The following CRMP1 variants were observed in gnomAD, a reference collection of about 807,000 sequenced individuals.
CRMP1 encodes the protein collapsin response mediator protein 1.
Under a neutral mutation model 68.3 loss-of-function variants are expected in CRMP1, and 19 were observed. The ratio of observed to expected loss-of-function variants is 0.28; its 90% confidence interval spans 0.19 to 0.41. CRMP1 has a LOEUF of 0.41. CRMP1 is among the 10% of genes least tolerant of loss of function. The pLI, the probability that CRMP1 is intolerant of heterozygous loss-of-function variation, is 1.00. For synonymous variants in CRMP1, 439 were observed against 399.6 expected (o/e 1.10, Z -1.18); for missense variants, 791 against 967.4 (o/e 0.82, Z 2.42).
At chr4:5,871,923 G>A (rs1443411219) in intron 1 of CRMP1, among the ~76,000 whole-genome samples, 3 of 152,218 alleles carry the variant, frequency 2.0e-5, no homozygotes, top group African/African-American at 7.2e-5. Context: ...AATGGTCCGT[G>A]TGGAATGTTA....
At chr4:5,875,232 GGT>G (rs2152472252) in intron 1 of CRMP1, among the ~76,000 whole-genome samples, 1 of 152,280 alleles carries the variant, frequency 6.6e-6, no homozygotes, top group South Asian at 2.1e-4. Flanking sequence ...TCAGAGGGGA[GGT>G]TCTGGATGAC....
Position 5,821,696 on chromosome 4 carries a change from G to T in CRMP1, c.*64C>A. Reference sequence around the variant, plus strand: ...TAAAACTGTGGGTTTCAAAAACACTGACAGGAAAAGGGATGGACATGATTC... The same window carrying T: ...TAAAACTGTGGGTTTCAAAAACACTTACAGGAAAAGGGATGGACATGATTC... On this transcript the variant is annotated 3_prime_UTR_variant, in exon 14 of 14. Coordinates refer to ENST00000324989, the MANE Select transcript of CRMP1 (RefSeq NM_001014809.3). This position sits in a 1 kb window ranked among gnomAD's most constrained non-coding sequence, Gnocchi z 4.4. The T allele has an allele frequency of 1.4e-6, 2 of 1,467,812 alleles. No homozygotes were observed. The highest frequency in any genetic ancestry group is 1.2e-5 in the South Asian group (1 of 80,656). The allele number at this position is 1,467,812 out of a possible 1,614,324, so 90.9% of individuals were successfully genotyped here.
intron 3 of CRMP1, among the ~76,000 whole-genome samples, chr4:5,856,558 T>C (rs1167444608): frequency 6.6e-6 from 1 of 151,566 alleles, no homozygotes; most frequent in Non-Finnish European, 1.5e-5. Context: ...ATTACCATTA[T>C]CACCACTACC....
At chr4:5,844,905 C>G (rs1712072076) in intron 6 of CRMP1, among the ~76,000 whole-genome samples, 1 of 152,188 alleles carries the variant, frequency 6.6e-6, no homozygotes, top group Admixed American at 6.5e-5. Context: ...AAGAGTGGAG[C>G]AAGAACAAGC....
rs1414078178 is a variant in CRMP1, at chr4:5,883,353, G to A, written c.381+9236C>T. On this transcript the variant is annotated intron_variant, in intron 1 of 13. Transcript: ENST00000324989. This position sits in a 1 kb window ranked among gnomAD's most constrained non-coding sequence, Gnocchi z 4.5. ...CTCATTCTGTCGCCCAGGCTGAAGT[G>A]CAGTGGCATGATCTCAGCTCACTGC... Among the ~76,000 whole-genome samples, 3 of 150,218 alleles carry A rather than the reference G, an allele frequency of 2.0e-5. No individual in the cohort carries two copies. The highest frequency in any genetic ancestry group is 4.4e-5 in the Non-Finnish European group (3 of 67,718).
intron 6 of CRMP1, among the ~76,000 whole-genome samples, chr4:5,846,155 G>T (rs1712180908): frequency 6.6e-6 from 1 of 152,116 alleles, no homozygotes. Flanking sequence ...AATTAGCTAG[G>T]CGTGGTGGCG....
intron 2 of CRMP1, among the ~76,000 whole-genome samples, chr4:5,863,932 C>T (rs1713786784): frequency 6.6e-6 from 1 of 152,082 alleles, no homozygotes; most frequent in Non-Finnish European, 1.5e-5. Flanking sequence ...GTCACCGTCA[C>T]TCACTCAGCT....
rs113487996 is a variant in CRMP1 at position 5,839,913 on chromosome 4, C to T, written c.1154-235G>A. ...GCTCCATGGGGCGTACGGCAGCTGACTCACCCAGCAACCTGTGGATATGGC... is the reference window on the plus strand; with the variant it reads ...GCTCCATGGGGCGTACGGCAGCTGATTCACCCAGCAACCTGTGGATATGGC... On this transcript the variant is annotated intron_variant, in intron 8 of 13. Transcript: ENST00000324989. 3.0e-3 allele frequency among the ~76,000 whole-genome samples: 459 copies of T among 152,344 alleles called. 3 individuals are homozygous for T. Among genetic ancestry groups the T allele is most frequent in the African/African-American group, 9.9e-3 (413 of 41,596 alleles).
chr4:5,828,258 C>G (rs1719997698), intron 12 of CRMP1: 1 of 985,206 alleles, frequency 1.0e-6, no homozygotes, highest in South Asian at 4.7e-5. Context: ...CACGGGTGCA[C>G]ACCCCTCTAC....
intron 12 of CRMP1, chr4:5,826,536 G>A (rs73206289): frequency 0.047 from 7,193 of 152,204 alleles, 175 homozygotes; most frequent in African/African-American, 0.062. Context: ...GGAAAGGGTT[G>A]TGGGGGCAGA....
Position 5,850,356 on chromosome 4 carries a change from C to T in CRMP1, c.883-884G>A, listed in dbSNP as rs1435525877. ...AAACAGGTGAAAATCACAATTATGCCAGCACATCACATGCTATGTTTTCTA... is the reference window on the plus strand; with the variant it reads ...AAACAGGTGAAAATCACAATTATGCTAGCACATCACATGCTATGTTTTCTA... On this transcript the variant is annotated intron_variant, in intron 5 of 13. Coordinates refer to ENST00000324989, the MANE Select transcript of CRMP1 (RefSeq NM_001014809.3). The surrounding 1 kb of genome is among the most constrained non-coding windows in gnomAD (Gnocchi z 4.4). 6.6e-6 allele frequency among the ~76,000 whole-genome samples: 1 copy of T among 152,210 alleles called. No individual in the cohort carries two copies. The highest frequency in any genetic ancestry group is 2.4e-5 in the African/African-American group (1 of 41,454).
intron 13 of CRMP1, among the ~76,000 whole-genome samples, chr4:5,822,406 T>C (rs73206226): frequency 0.014 from 2,099 of 152,078 alleles, 26 homozygotes; most frequent in South Asian, 0.04. Context: ...TGTACACATT[T>C]GTATATGCAT....
chr4:5,893,059 G>A lies in CRMP1; in HGVS notation c.-90C>T. The A allele has an allele frequency of 3.3e-6, 3 of 900,282 alleles. No individual in the cohort carries two copies. The highest frequency in any genetic ancestry group is 4.0e-6 in the Non-Finnish European group (3 of 749,974). 55.8% of individuals were successfully genotyped at this position (900,282 alleles called of 1,614,324 possible). On this transcript the variant is annotated 5_prime_UTR_variant, in exon 1 of 14. Coordinates refer to ENST00000324989, the MANE Select transcript of CRMP1 (RefSeq NM_001014809.3). ...TGCGCCGCGCTCCGCGCCTCGGTGC[G>A]GGCCTGCGGCGGCCCGGGCGCGACT...
At position 5,839,852 on chromosome 4, in the gene CRMP1, G is replaced by A. The variant is rs960596603; in HGVS notation, c.1154-174C>T. Among the ~76,000 whole-genome samples the A allele has an allele frequency of 9.2e-5, 14 of 152,228 alleles. 1 individual carries two copies. Among genetic ancestry groups the A allele is most frequent in the Non-Finnish European group, 1.8e-4 (12 of 68,046 alleles). On this transcript the variant is annotated intron_variant, in intron 8 of 13. Transcript: ENST00000324989. The stretch of plus-strand genomic sequence containing the variant: ...CACCGCAGGGACCTTGGGTGTCCGG[G>A]CCCAGCTCCACCACATTGTCGGCGC...
rs1351994423 is a variant in CRMP1, at chr4:5,843,891, G to T, written c.964-730C>A. Among the ~76,000 whole-genome samples, 5 of 151,964 alleles carry T rather than the reference G, an allele frequency of 3.3e-5. No individual in the cohort carries two copies. The highest frequency in any genetic ancestry group is 1.2e-4 in the African/African-American group (5 of 41,338). On this transcript the variant is annotated intron_variant, in intron 6 of 13. Coordinates refer to ENST00000324989, the MANE Select transcript of CRMP1 (RefSeq NM_001014809.3). This position sits in a 1 kb window ranked among gnomAD's most constrained non-coding sequence, Gnocchi z 4.1. ...TCATATAACCTTGAAATGGTTCCCT[G>T]GGCTGATGGCCTAGATTCAAATCCA...
rs59152465 is a variant in CRMP1 at position 5,891,212 on chromosome 4, A to ACACACACACC, written c.381+1376_381+1377insGGTGTGTGTG. On this transcript the variant is annotated intron_variant, in intron 1 of 13. Coordinates refer to ENST00000324989, the MANE Select transcript of CRMP1 (RefSeq NM_001014809.3). The surrounding 1 kb of genome is among the most constrained non-coding windows in gnomAD (Gnocchi z 5.2). ...CACACACACACACACACACACACAC[A>ACACACACACC]CCCTTGCTGTTGGACCTCTCCCTCG... 7.4e-3 allele frequency among the ~76,000 whole-genome samples: 1,087 copies of ACACACACACC among 147,190 alleles called. 6 individuals are homozygous for ACACACACACC. Among genetic ancestry groups the ACACACACACC allele is most frequent in the African/African-American group, 0.021 (830 of 39,052 alleles).
chr4:5,822,272 G>C (rs529627068), intron 13 of CRMP1, among the ~76,000 whole-genome samples: 14 of 152,228 alleles, frequency 9.2e-5, no homozygotes, highest in East Asian at 1.9e-4. Context: ...TTCAGGCCAC[G>C]TGTCTTGCGG....
At position 5,890,525 on chromosome 4, in the gene CRMP1, C is replaced by T. The variant is rs1463071659; in HGVS notation, c.381+2064G>A. 2.0e-5 allele frequency among the ~76,000 whole-genome samples: 3 copies of T among 152,240 alleles called. No individual in the cohort carries two copies. Among genetic ancestry groups the T allele is most frequent in the Admixed American group, 2.0e-4 (3 of 15,292 alleles). ...AACCCAAGCCTCAAGGCCGCTCTGC[C>T]GGCAGAAAGTAAAACCCTCCCTCCG... On this transcript the variant is annotated intron_variant, in intron 1 of 13. Coordinates refer to ENST00000324989, the MANE Select transcript of CRMP1 (RefSeq NM_001014809.3). The surrounding 1 kb of genome is among the most constrained non-coding windows in gnomAD (Gnocchi z 5.5).
At chr4:5,840,307 C>T (rs1275195992) in intron 8 of CRMP1, among the ~76,000 whole-genome samples, 3 of 152,218 alleles carry the variant, frequency 2.0e-5, no homozygotes, top group Non-Finnish European at 2.9e-5. Flanking sequence ...GAAGTTCCTG[C>T]TTGTCTTTCA....
Sources: allele counts gnomAD v4.1 joint callset (sites outside exome capture counted in the v4.1 genomes callset), GRCh38; gene constraint gnomAD v4.1.1; non-coding constraint Gnocchi (gnomAD v3.1); transcripts MANE v1.5; gene names NCBI Gene and HGNC (gene_info 2026-07-23, HGNC 2026-07-21).